Variants in PUDP observed in about 807,000 individuals in gnomAD.
PUDP encodes the protein pseudouridine-5'-phosphatase.
A neutral mutation model predicts 9.4 loss-of-function variants in PUDP; 8 were observed. That is an observed-to-expected ratio of 0.85 (90% CI 0.50 to 1.53). The LOEUF (loss-of-function observed/expected upper bound fraction) is 1.53, where lower values mean the gene tolerates loss of function less well. Ranked by LOEUF, PUDP falls within the 40% of genes most tolerant of loss-of-function variation. The pLI, the probability that PUDP is intolerant of heterozygous loss-of-function variation, is 0.00. For missense variants in PUDP, 188 were observed against 189.7 expected (o/e 0.99, Z 0.05); for synonymous variants, 99 against 80.7 (o/e 1.23, Z -1.22).
chrX:6,712,087 G>A (rs1190999987), intron 1 of PUDP, among the ~76,000 whole-genome samples: 1 of 111,748 alleles, frequency 8.9e-6, no homozygotes, highest in Non-Finnish European at 1.9e-5. Flanking sequence ...CAGGGCTAGG[G>A]AACCAAAGGA....
At chrX:6,859,770 C>T (rs1293557589) in intron 3 of PUDP, among the ~76,000 whole-genome samples, 1 of 111,440 alleles carries the variant, frequency 9.0e-6, no homozygotes, top group Non-Finnish European at 1.9e-5. Context: ...TTTCCACACC[C>T]CTGCTGATTG....
rs749375239 is a variant in PUDP, at chrX:6,900,838, T to A, written c.*247+76295A>T. ...CTGTTCCCAGGCTGGAGTGCAGTGG[T>A]GCGATCTCAGCTCACTGCAACTTCT... is the stretch of plus-strand genomic sequence containing the variant. On this transcript the variant is annotated intron_variant and NMD_transcript_variant, in intron 3 of 3. Coordinates refer to the PUDP transcript ENST00000655425. 3.0e-3 allele frequency among the ~76,000 whole-genome samples: 330 copies of A among 108,815 alleles called. 1 individual carries two copies. Among genetic ancestry groups the A allele is most frequent in the Non-Finnish European group, 5.0e-3 (261 of 52,474 alleles). The allele number at this position is 108,815 out of a possible 115,157, so 94.5% of individuals were successfully genotyped here. A position where few individuals can be genotyped will look rare whatever the true frequency, so the allele number is the denominator to read the frequency against.
Position 6,920,555 on chromosome X carries a change from G to A in PUDP, c.*247+56578C>T, listed in dbSNP as rs113991789. 9.6e-3 allele frequency among the ~76,000 whole-genome samples: 1,076 copies of A among 111,551 alleles called. 16 individuals are homozygous for A. The highest frequency in any genetic ancestry group is 0.033 in the African/African-American group (1,005 of 30,711). On this transcript the variant is annotated intron_variant and NMD_transcript_variant, in intron 3 of 3. Transcript: ENST00000655425. Reference sequence around the variant, plus strand: ...CAAAGTCATCCCTCTGCTCACTGAGGTAGATGCATATTTTGATTGCCTCCT... The same window carrying A: ...CAAAGTCATCCCTCTGCTCACTGAGATAGATGCATATTTTGATTGCCTCCT...
At chrX:6,972,546 A>G (rs2069251643) in intron 3 of PUDP, among the ~76,000 whole-genome samples, 1 of 112,274 alleles carries the variant, frequency 8.9e-6, no homozygotes, top group Admixed American at 9.5e-5. Context: ...CTTGTATCCC[A>G]GGAATGAAGC....
At chrX:7,135,847 T>A (rs146721726) in intron 1 of PUDP, among the ~76,000 whole-genome samples, 22 of 111,037 alleles carry the variant, frequency 2.0e-4, no homozygotes, top group African/African-American at 6.9e-4. Flanking sequence ...ATGCCCTAAC[T>A]CTTCATTCCT....
At chrX:6,853,825 G>A (rs901901911) in intron 3 of PUDP, among the ~76,000 whole-genome samples, 3 of 111,122 alleles carry the variant, frequency 2.7e-5, no homozygotes, top group East Asian at 2.8e-4. Context: ...GTGCAATGGC[G>A]CAGTCTTGGC....
chrX:6,918,675 G>A (rs746492656), intron 3 of PUDP, among the ~76,000 whole-genome samples: 2 of 111,780 alleles, frequency 1.8e-5, no homozygotes, highest in African/African-American at 3.2e-5. Flanking sequence ...CTGTTTCCTG[G>A]TTCACAGACA....
At chrX:7,105,471 CTCTT>C in intron 2 of PUDP, 145 bp downstream of exon 2, 1 of 426,996 alleles carries the variant, frequency 2.3e-6, no homozygotes, top group Non-Finnish European at 4.0e-6. Context: ...ATCAGCCAAA[CTCTT>C]TCAGGAGCAC....
intron 1 of PUDP, among the ~76,000 whole-genome samples, chrX:6,714,417 C>T (rs1230853901): frequency 1.8e-5 from 2 of 111,356 alleles, no homozygotes; most frequent in Non-Finnish European, 3.8e-5. Context: ...CAGATACACA[C>T]AAACGACGGA....
chrX:6,737,386 G>C (rs1034473213), intron 3 of PUDP, among the ~76,000 whole-genome samples: 7 of 111,978 alleles, frequency 6.3e-5, no homozygotes, highest in Non-Finnish European at 1.3e-4. Flanking sequence ...TTGGGGTAGG[G>C]AGTTGCAATT....
chrX:7,045,353 G>A (rs772171116), downstream of PUDP, among the ~76,000 whole-genome samples: 8 of 112,041 alleles, frequency 7.1e-5, no homozygotes, highest in East Asian at 1.1e-3. Context: ...ACCAATACAC[G>A]CTGGCTTTTG....
intron 3 of PUDP, among the ~76,000 whole-genome samples, chrX:6,742,479 A>C (rs1246954986): frequency 8.9e-6 from 1 of 112,664 alleles, no homozygotes; most frequent in Non-Finnish European, 1.9e-5. Context: ...TTTGTAAAAA[A>C]ATCTTTGGGC....
chrX:7,034,335 T>C (rs1929827130), intron 1 of PUDP, among the ~76,000 whole-genome samples: 1 of 112,192 alleles, frequency 8.9e-6, no homozygotes, highest in Non-Finnish European at 1.9e-5. Context: ...AACACAAATG[T>C]GCTTTCTGGA....
chrX:7,000,161 C>A (rs376121671), intron 1 of PUDP, among the ~76,000 whole-genome samples: 1 of 106,300 alleles, frequency 9.4e-6, no homozygotes, highest in Admixed American at 1.0e-4. Flanking sequence ...GAGAGAGAAA[C>A]AAACACACAC....
chrX:6,775,933 A>T (rs1025184992), intron 3 of PUDP, among the ~76,000 whole-genome samples: 6 of 111,432 alleles, frequency 5.4e-5, no homozygotes, highest in Non-Finnish European at 9.4e-5. Context: ...TAAGCCACCC[A>T]GCCTATGGCA....
chrX:6,899,001 C>T (rs1882712261), intron 3 of PUDP, among the ~76,000 whole-genome samples: 1 of 111,889 alleles, frequency 8.9e-6, no homozygotes, highest in African/African-American at 3.2e-5. Flanking sequence ...TACTTAAATC[C>T]AGTCCTAAGA....
chrX:6,760,878 G>A (rs1243451138), intron 3 of PUDP, among the ~76,000 whole-genome samples: 3 of 112,031 alleles, frequency 2.7e-5, no homozygotes, highest in Admixed American at 1.9e-4. Flanking sequence ...ACATTTTAAT[G>A]GAATAATAAG....
chrX:6,862,398 A>G (rs985292802), intron 3 of PUDP, among the ~76,000 whole-genome samples: 3 of 112,787 alleles, frequency 2.7e-5, no homozygotes, highest in African/African-American at 6.4e-5. Flanking sequence ...TCAGACGAAT[A>G]GCAGATCATT....
intron 3 of PUDP, among the ~76,000 whole-genome samples, chrX:6,821,046 T>C (rs1413874390): frequency 9.0e-6 from 1 of 110,889 alleles, no homozygotes. Context: ...TAGGTGGAGG[T>C]TCCCAAACCT....
Sources: gnomAD v4.1 joint callset for allele counts (sites outside exome capture counted in the v4.1 genomes callset) on GRCh38, gnomAD v4.1.1 for gene constraint, MANE v1.5 for transcripts, NCBI Gene and HGNC (gene_info 2026-07-23, HGNC 2026-07-21) for gene names.